The following ACO1 variants were observed in gnomAD, a reference collection of about 807,000 sequenced individuals.
The protein encoded by ACO1 is aconitase 1.
In ACO1, 78 loss-of-function variants were observed where a neutral mutation model predicts 105.1. The ratio of observed to expected loss-of-function variants is 0.74; its 90% confidence interval spans 0.62 to 0.90. ACO1 has a LOEUF of 0.90. ACO1 is among the 40% of genes least tolerant of loss of function. The pLI is 0.00. For synonymous variants in ACO1, 364 were observed against 397.4 expected (o/e 0.92, Z 1.00); for missense variants, 965 against 1,111.1 (o/e 0.87, Z 1.87).
At chr9:32,433,884 T>C in intron 16 of ACO1, 52 bp downstream of exon 16, 2 of 1,374,304 alleles carry the variant, frequency 1.5e-6, no homozygotes, top group Non-Finnish European at 2.0e-6. Context: ...GTTTCTTTCC[T>C]AATAATATCT....
At chr9:32,386,519 T>C (rs552234951) in intron 1 of ACO1, 1 of 152,320 alleles carries the variant, frequency 6.6e-6, no homozygotes, top group East Asian at 1.9e-4. Context: ...TATGTGTATA[T>C]ATTTGGGAGG....
At chr9:32,411,178 A>G (rs1235358555) in intron 4 of ACO1, among the ~76,000 whole-genome samples, 1 of 152,220 alleles carries the variant, frequency 6.6e-6, no homozygotes, top group Non-Finnish European at 1.5e-5. Context: ...GGTGGAAGTA[A>G]CTTCAAGATT....
intron 1 of ACO1, among the ~76,000 whole-genome samples, chr9:32,387,336 A>C (rs1157263264): frequency 1.3e-5 from 2 of 152,226 alleles, no homozygotes. Flanking sequence ...GCATTTGTGC[A>C]TATCTCTTCC....
chr9:32,395,177 C>A lies in ACO1; in HGVS notation c.-22-10308C>A, dbSNP rs148215090. Among the ~76,000 whole-genome samples, 790 of 152,250 alleles carry A rather than the reference C, an allele frequency of 5.2e-3. 9 individuals are homozygous for A. Among genetic ancestry groups the A allele is most frequent in the African/African-American group, 0.018 (745 of 41,534 alleles). Reference sequence around the variant, plus strand: ...GTCTTCACCCACTACTTCTCCTCCTCTTAAAACATAAATGCAGGCTGGGTG... The same window carrying A: ...GTCTTCACCCACTACTTCTCCTCCTATTAAAACATAAATGCAGGCTGGGTG... On this transcript the variant is annotated intron_variant, in intron 1 of 20. Transcript: ENST00000309951.
rs1360171 is a variant in ACO1, at chr9:32,454,350, T to A, written c.*4239T>A. ...CTGTTGTTTGAAATTCAAATAATAATGAATCCATTTTAAGGACAGGAATTG... is the reference window on the plus strand; with the variant it reads ...CTGTTGTTTGAAATTCAAATAATAAAGAATCCATTTTAAGGACAGGAATTG... On this transcript the variant is annotated 3_prime_UTR_variant, in exon 21 of 21. Transcript: ENST00000309951. The A allele has an allele frequency of 0.077, 11,587 of 149,892 alleles. 535 individuals carry two copies. The highest frequency in any genetic ancestry group is 0.12 in the Admixed American group (1,797 of 15,094). The allele number at this position is 149,892 out of a possible 1,614,324, so 9.3% of individuals were successfully genotyped here.
In ACO1 at chr9:32,450,738, T is replaced by C. The variant is rs187941615; in HGVS notation, c.*627T>C. 2 of 151,064 alleles carry C rather than the reference T, an allele frequency of 1.3e-5. No individual in the cohort carries two copies. Among genetic ancestry groups the C allele is most frequent in the Admixed American group, 1.3e-4 (2 of 15,242 alleles). 9.4% of individuals were successfully genotyped at this position (151,064 alleles called of 1,614,324 possible). On this transcript the variant is annotated 3_prime_UTR_variant, in exon 21 of 21. Coordinates refer to ENST00000309951, the MANE Select transcript of ACO1 (RefSeq NM_002197.3). ...TAAAAAGAAATGTGAAGTTTTCTTT[T>C]ACTATCTTTTCATTTATCAAGCAGA... is the stretch of plus-strand genomic sequence containing the variant.
chr9:32,399,500 A>T (rs554782362), intron 1 of ACO1, among the ~76,000 whole-genome samples: 58 of 152,250 alleles, frequency 3.8e-4, no homozygotes, highest in Non-Finnish European at 7.3e-4. Flanking sequence ...TTTTCCAGGC[A>T]TCCTGGTGAT....
chr9:32,433,661 G>T, intron 15 of ACO1, 67 bp from the exon 16 acceptor site: 1 of 1,188,042 alleles, frequency 8.4e-7, no homozygotes, highest in South Asian at 1.4e-5. Context: ...TGTATGTTTT[G>T]TGTTTGCATA....
chr9:32,438,072 A>G (rs1822402594), intron 18 of ACO1, among the ~76,000 whole-genome samples: 1 of 152,218 alleles, frequency 6.6e-6, no homozygotes, highest in Non-Finnish European at 1.5e-5. Context: ...AAACACTCCA[A>G]GTTATATCAC....
chr9:32,415,392 G>A (rs1024040473), intron 4 of ACO1, among the ~76,000 whole-genome samples: 3 of 152,160 alleles, frequency 2.0e-5, no homozygotes, highest in Non-Finnish European at 2.9e-5. Context: ...ATAGCTATAG[G>A]TACTAAGTGG....
chr9:32,396,050 G>C (rs910527088), intron 1 of ACO1, among the ~76,000 whole-genome samples: 1 of 152,240 alleles, frequency 6.6e-6, no homozygotes, highest in African/African-American at 2.4e-5. Context: ...GTTTTTGGCA[G>C]TGGCTGTACA....
intron 1 of ACO1, among the ~76,000 whole-genome samples, chr9:32,400,202 C>A (rs1821464834): frequency 6.6e-6 from 1 of 151,992 alleles, no homozygotes; most frequent in Non-Finnish European, 1.5e-5. Context: ...AACTCCTGAC[C>A]TGAGGTGATC....
intron 18 of ACO1, among the ~76,000 whole-genome samples, chr9:32,438,157 A>AT (rs1266680921): frequency 6.6e-6 from 1 of 152,234 alleles, no homozygotes; most frequent in Non-Finnish European, 1.5e-5. Flanking sequence ...ACAACAGGAA[A>AT]TAAGACATGT....
Position 32,440,604 on chromosome 9 carries a change from C to T in ACO1, c.2370+17C>T. 6.2e-7 allele frequency: 1 copy of T among 1,612,262 alleles called. No homozygotes were observed. The highest frequency in any genetic ancestry group is 8.5e-7 in the Non-Finnish European group (1 of 1,179,008). Reference sequence around the variant, plus strand: ...TTCCTGCTGGTGAGTATGAAGTAGACATCCTAGGAGGCAGCTCCCCTCTGA... The same window carrying T: ...TTCCTGCTGGTGAGTATGAAGTAGATATCCTAGGAGGCAGCTCCCCTCTGA... On this transcript the variant is annotated intron_variant, in intron 19 of 20. Transcript: ENST00000309951.
intron 13 of ACO1, among the ~76,000 whole-genome samples, chr9:32,429,977 G>A (rs1172050244): frequency 6.6e-6 from 1 of 152,206 alleles, no homozygotes. Context: ...CCACACAAAC[G>A]AATCTAAACT....
chr9:32,435,980 C>T (rs2068116), intron 17 of ACO1: 201,646 of 596,926 alleles, frequency 0.34, 35,276 homozygotes, highest in East Asian at 0.47. Flanking sequence ...CTTTTTTAGA[C>T]TTCCTTCTTA....
In ACO1 at chr9:32,418,128, G is replaced by A. The variant is rs1313124823; in HGVS notation, c.405G>A (p.Arg135=). 3 of 1,613,860 alleles carry A rather than the reference G, an allele frequency of 1.9e-6. No individual in the cohort carries two copies. The highest frequency in any genetic ancestry group is 1.1e-5 in the South Asian group (1 of 91,050). ...DHSIQVDFNR[R]ADSLQKNQDL... is the part of the protein sequence containing the mutation. The stretch of plus-strand genomic sequence containing the variant: ...TACATTTAATTTTTCTCTCTGACAG[G>A]GCAGACAGTTTACAGAAGAATCAAG... Residue 135 remains arginine, a splice_region_variant and synonymous_variant, in exon 5 of 21, where the codon AGG becomes AGA. Transcript: ENST00000309951.
rs549546258 is a variant in ACO1, at chr9:32,428,240, C to T, written c.1484+804C>T. Among the ~76,000 whole-genome samples the T allele has an allele frequency of 4.7e-5, 7 of 147,436 alleles. No homozygotes were observed. The South Asian group carries it at 6.5e-4, about 14-fold the overall frequency. On this transcript the variant is annotated intron_variant, in intron 12 of 20. Transcript: ENST00000309951. ...TTGAGGTTGCAGTGAGCTATGATCACGCCACTGTACTCCAGTTTGGGTGAC... is the reference window on the plus strand; with the variant it reads ...TTGAGGTTGCAGTGAGCTATGATCATGCCACTGTACTCCAGTTTGGGTGAC...
chr9:32,425,953 C>G lies in ACO1; in HGVS notation c.1304C>G (p.Thr435Ser). Residue 435 changes from threonine (T) to serine (S), a missense_variant, in exon 11 of 21, where the codon ACT (threonine) becomes AGT (serine). Transcript: ENST00000309951. ...AHGSVVIAAI[T>S]SCTNTSNPSV... The stretch of plus-strand genomic sequence containing the variant: ...GGTTCTGTGGTCATTGCTGCCATTA[C>G]TAGCTGCACAAACACCAGTAATCCG... 1.9e-6 allele frequency: 3 copies of G among 1,614,074 alleles called. No individual in the cohort carries two copies.
Sources: allele counts gnomAD v4.1 joint callset (sites outside exome capture counted in the v4.1 genomes callset), GRCh38; gene constraint gnomAD v4.1.1; transcripts MANE v1.5; gene names NCBI Gene and HGNC (gene_info 2026-07-23, HGNC 2026-07-21).